KCNMA1: variants seen among roughly 807,000 people sequenced by gnomAD.
KCNMA1 encodes the protein Calcium-activated potassium channel subunit alpha-1.
A neutral mutation model predicts 140.0 loss-of-function variants in KCNMA1; 29 were observed. The observed-to-expected ratio is 0.21, with a 90% CI of 0.15 to 0.28. The LOEUF is 0.28. Ranked by LOEUF, KCNMA1 falls within the 10% of genes least tolerant of loss-of-function variation. KCNMA1 has a pLI of 1.00. For missense variants in KCNMA1, 880 were observed against 1,602.2 expected (o/e 0.55, Z 7.70); for synonymous variants, 612 against 611.9 (o/e 1.00, Z 0.00).
In KCNMA1 at chr10:76,944,980, A is replaced by G. The variant is rs542831587; in HGVS notation, c.2710-15T>C. 9.3e-6 allele frequency: 15 copies of G among 1,611,862 alleles called. No homozygotes were observed. The South Asian group carries it at 1.6e-4, about 18-fold the overall frequency. On this transcript the variant is annotated splice_polypyrimidine_tract_variant and intron_variant, in intron 22 of 27. Coordinates refer to ENST00000286628, the MANE Select transcript of KCNMA1 (RefSeq NM_001161352.2). ...AATGGCGTACCCTTTGGCATAGAGGAAAGAAAAAAAAACAGAGATGGGGGG... is the reference window on the plus strand; with the variant it reads ...AATGGCGTACCCTTTGGCATAGAGGGAAGAAAAAAAAACAGAGATGGGGGG...
chr10:77,394,895 C>A (rs2095984933), intron 2 of KCNMA1, among the ~76,000 whole-genome samples: 1 of 152,182 alleles, frequency 6.6e-6, no homozygotes, highest in Non-Finnish European at 1.5e-5. Context: ...GGATACTACT[C>A]AACTCTGCCT....
At chr10:77,589,611 C>A (rs1302507216) in intron 1 of KCNMA1, among the ~76,000 whole-genome samples, 1 of 152,254 alleles carries the variant, frequency 6.6e-6, no homozygotes, top group Middle Eastern at 3.4e-3. Context: ...AAGAATGAAG[C>A]CGCAGACCCT....
chr10:77,068,307 T>G (rs913352203), intron 14 of KCNMA1, among the ~76,000 whole-genome samples: 26 of 152,190 alleles, frequency 1.7e-4, no homozygotes, highest in African/African-American at 5.8e-4. Context: ...CATTTTTAGC[T>G]GCTAAACCAG....
At chr10:77,538,749 T>C (rs1234055009) in intron 1 of KCNMA1, among the ~76,000 whole-genome samples, 2 of 151,956 alleles carry the variant, frequency 1.3e-5, no homozygotes, top group African/African-American at 2.4e-5. Context: ...CCTAAGGATA[T>C]GGAGTTAAAA....
In KCNMA1 at chr10:77,528,772, G is replaced by A. The variant is rs61309544; in HGVS notation, c.378+108493C>T. On this transcript the variant is annotated intron_variant, in intron 1 of 27. Transcript: ENST00000286628. ...TGGCCATGCACAGAACTAAAGGAACGGAGTACTGCTGCATGCCACAACACA... is the reference window on the plus strand; with the variant it reads ...TGGCCATGCACAGAACTAAAGGAACAGAGTACTGCTGCATGCCACAACACA... Among the ~76,000 whole-genome samples, 77 of 152,226 alleles carry A rather than the reference G, an allele frequency of 5.1e-4. 1 individual carries two copies. Among genetic ancestry groups the A allele is most frequent in the African/African-American group, 1.4e-3 (58 of 41,540 alleles).
In KCNMA1 at chr10:77,193,490, AC is replaced by A. The variant is rs551386325; in HGVS notation, c.603-8575del. Among the ~76,000 whole-genome samples the A allele has an allele frequency of 8.6e-4, 131 of 152,222 alleles. 1 individual carries two copies. The highest frequency in any genetic ancestry group is 4.1e-3 in the South Asian group (20 of 4,824). On this transcript the variant is annotated intron_variant, in intron 3 of 27. Transcript: ENST00000286628. ...TCTAGCCATCCCTTTTTTTTAGGGA[AC>A]CCTTATTTATCTAGAAAAGGAATGG...
At chr10:76,986,705 C>A (rs1475023362) in intron 19 of KCNMA1, among the ~76,000 whole-genome samples, 1 of 152,184 alleles carries the variant, frequency 6.6e-6, no homozygotes, top group Non-Finnish European at 1.5e-5. Flanking sequence ...GCACACCCTG[C>A]CTTAAATATC....
intron 14 of KCNMA1, among the ~76,000 whole-genome samples, chr10:77,058,489 C>A (rs769352102): frequency 1.3e-5 from 2 of 151,942 alleles, no homozygotes; most frequent in Non-Finnish European, 2.9e-5. Flanking sequence ...GAACATTCAC[C>A]AAGACAGATT....
intron 1 of KCNMA1, among the ~76,000 whole-genome samples, chr10:77,430,514 G>T (rs935973197): frequency 1.3e-5 from 2 of 152,122 alleles, no homozygotes; most frequent in African/African-American, 4.8e-5. Flanking sequence ...CCTCTAAATT[G>T]ATTGAGAACT....
chr10:77,155,695 A>G (rs78847951), intron 5 of KCNMA1, among the ~76,000 whole-genome samples: 5,212 of 152,236 alleles, frequency 0.034, 282 homozygotes, highest in African/African-American at 0.12. Context: ...CTGAACTAAA[A>G]CAATAAGAAG....
intron 5 of KCNMA1, among the ~76,000 whole-genome samples, chr10:77,122,186 G>A (rs1235164909): frequency 1.3e-5 from 2 of 152,148 alleles, no homozygotes; most frequent in Admixed American, 6.5e-5. Context: ...TGCACGCAAC[G>A]TGGAGCTGTT....
intron 3 of KCNMA1, among the ~76,000 whole-genome samples, chr10:77,233,324 A>G (rs1040647535): frequency 6.6e-6 from 1 of 152,198 alleles, no homozygotes; most frequent in African/African-American, 2.4e-5. Flanking sequence ...CTCTATCCCA[A>G]GGATTCTTCA....
In KCNMA1 at chr10:76,914,975, T is replaced by C. The variant is rs2052162769; in HGVS notation, c.2977A>G (p.Ile993Val). Residue 993 changes from isoleucine (I) to valine (V), a missense_variant, in exon 24 of 28, where the codon ATC becomes GTC. Transcript: ENST00000286628. ...ATGGGGATGTTGACCCCAGTTGTGA[T>C]GGATGGTTGACGTAACATCCCGTGC... ...PVHGMLRQPS[I>V]TTGVNIPIIT... The C allele has an allele frequency of 1.9e-6, 3 of 1,613,598 alleles. No homozygotes were observed. The highest frequency in any genetic ancestry group is 2.2e-5 in the South Asian group (2 of 91,084).
chr10:77,266,727 C>G (rs960913179), intron 2 of KCNMA1, among the ~76,000 whole-genome samples: 3 of 152,196 alleles, frequency 2.0e-5, no homozygotes, highest in African/African-American at 7.2e-5. Flanking sequence ...TTAAACAAAG[C>G]ACTTCTTACT....
chr10:77,025,403 T>C lies in KCNMA1; in HGVS notation c.1928+2420A>G, dbSNP rs562062891. The stretch of plus-strand genomic sequence containing the variant: ...TTAGTCCTGTGGTTAGGAGTGAAGA[T>C]AGAGGGTGGAGGTTGGAAGAAAAGT... On this transcript the variant is annotated intron_variant, in intron 16 of 27. Transcript: ENST00000286628. The C allele has an allele frequency of 1.3e-5, 20 of 1,566,810 alleles. No individual in the cohort carries two copies. In the East Asian group the frequency reaches 4.3e-4, roughly 34 times the overall value.
chr10:77,637,254 G>A lies in KCNMA1; in HGVS notation c.378+11C>T, dbSNP rs1363044052. ...CTGGCGCAGAGGGCGGGCGCCCGGG[G>A]CGCGCGTTACCTTCGTCTTGCCCCC... On this transcript the variant is annotated intron_variant, in intron 1 of 27. Transcript: ENST00000286628. The A allele has an allele frequency of 4.4e-6, 7 of 1,596,074 alleles. No homozygotes were observed. Among genetic ancestry groups the A allele is most frequent in the African/African-American group, 1.3e-5 (1 of 74,388 alleles).
chr10:77,078,446 G>A (rs1246637785), intron 13 of KCNMA1, among the ~76,000 whole-genome samples: 2 of 152,212 alleles, frequency 1.3e-5, no homozygotes, highest in East Asian at 3.8e-4. Flanking sequence ...AAACAGCATA[G>A]ACTCTGACTT....
chr10:77,452,118 C>T (rs1330801244), intron 1 of KCNMA1, among the ~76,000 whole-genome samples: 10 of 152,162 alleles, frequency 6.6e-5, no homozygotes, highest in Non-Finnish European at 1.0e-4. Context: ...CTGCCCTTTC[C>T]CCCGCCCTCC....
At chr10:77,453,574 T>C (rs1242961753) in intron 1 of KCNMA1, among the ~76,000 whole-genome samples, 1 of 152,134 alleles carries the variant, frequency 6.6e-6, no homozygotes, top group African/African-American at 2.4e-5. Context: ...CTCAACTTCC[T>C]GTCTGGAGAG....
Sources: gnomAD v4.1 joint callset for allele counts (sites outside exome capture counted in the v4.1 genomes callset) on GRCh38, gnomAD v4.1.1 for gene constraint, MANE v1.5 for transcripts, NCBI Gene and HGNC (gene_info 2026-07-23, HGNC 2026-07-21) for gene names.